Variants in CDC123 observed in about 807,000 individuals in gnomAD.
CDC123 encodes the protein cell division cycle 123.
CDC123 carries 37 observed loss-of-function variants against 54.4 expected under a neutral mutation model. The observed-to-expected ratio is 0.68, with a 90% CI of 0.52 to 0.89. The LOEUF (loss-of-function observed/expected upper bound fraction) is 0.89, where lower values mean the gene tolerates loss of function less well. CDC123 is among the 40% of genes least tolerant of loss of function. The pLI is 0.00. For missense variants in CDC123, 361 were observed against 412.1 expected (o/e 0.88, Z 1.07); for synonymous variants, 144 against 136.8 (o/e 1.05, Z -0.37).
At chr10:12,203,561 G>T (rs1338652642) in intron 2 of CDC123, among the ~76,000 whole-genome samples, 1 of 152,090 alleles carries the variant, frequency 6.6e-6, no homozygotes, top group East Asian at 1.9e-4. Context: ...CTCGTTGCCT[G>T]CTGTGGGTGT....
Position 12,196,225 on chromosome 10 carries a change from A to G in CDC123, c.-21A>G. On this transcript the variant is annotated 5_prime_UTR_variant, in exon 1 of 13. Transcript: ENST00000281141. ...GGGTGCAGGCAGGAGAGGGAAAGGC[A>G]GCAGCGGCGGCAGCTGGAGGATGAA... 6.2e-7 allele frequency: 1 copy of G among 1,613,896 alleles called. No individual in the cohort carries two copies.
chr10:12,196,439 C>A, intron 1 of CDC123, 120 bp downstream of exon 1: 1 of 1,311,672 alleles, frequency 7.6e-7, no homozygotes. Context: ...GGGAGTGTGT[C>A]GAGAGGGAAG....
At chr10:12,240,612 G>A (rs998753597) in intron 10 of CDC123, among the ~76,000 whole-genome samples, 3 of 152,182 alleles carry the variant, frequency 2.0e-5, no homozygotes, top group Non-Finnish European at 2.9e-5. Context: ...TGTGGCTCAC[G>A]CCTGTATTTT....
chr10:12,239,335 C>T (rs1244058630), intron 10 of CDC123, among the ~76,000 whole-genome samples: 2 of 152,164 alleles, frequency 1.3e-5, no homozygotes, highest in East Asian at 3.9e-4. Flanking sequence ...TCCTATGTCT[C>T]ATTTGTGTCA....
chr10:12,250,423 T>C lies in CDC123; in HGVS notation c.*86T>C, dbSNP rs528600500. 1 of 1,033,458 alleles carries C rather than the reference T, an allele frequency of 9.7e-7. No homozygotes were observed. Among genetic ancestry groups the C allele is most frequent in the Admixed American group, 1.7e-5 (1 of 58,430 alleles). 64.0% of individuals were successfully genotyped at this position (1,033,458 alleles called of 1,614,324 possible). ...AGCCGCAACTTCCTGCCGACCCTGA[T>C]GCGGGTGGGCCGAGCAGTGTGGACA... On this transcript the variant is annotated 3_prime_UTR_variant, in exon 13 of 13. Coordinates refer to ENST00000281141, the MANE Select transcript of CDC123 (RefSeq NM_006023.3).
intron 9 of CDC123, 106 bp downstream of exon 9, chr10:12,237,372 T>C: frequency 1.2e-6 from 1 of 854,254 alleles, no homozygotes; most frequent in East Asian, 3.2e-5. Flanking sequence ...AAATACTGTA[T>C]TGTAAGCATT....
At chr10:12,202,679 G>T (rs1032882412) in intron 2 of CDC123, among the ~76,000 whole-genome samples, 2 of 152,236 alleles carry the variant, frequency 1.3e-5, no homozygotes, top group Non-Finnish European at 2.9e-5. Context: ...GCAGCTCGCA[G>T]AACTGAGGGA....
intron 1 of CDC123, among the ~76,000 whole-genome samples, chr10:12,197,304 T>G (rs1416614961): frequency 6.6e-6 from 1 of 152,210 alleles, no homozygotes; most frequent in Non-Finnish European, 1.5e-5. Context: ...AAAGTTTCGC[T>G]TGAAATTGTT....
At chr10:12,238,875 A>G (rs1836015538) in intron 10 of CDC123, among the ~76,000 whole-genome samples, 1 of 151,992 alleles carries the variant, frequency 6.6e-6, no homozygotes, top group Non-Finnish European at 1.5e-5. Context: ...CAAAAAAATG[A>G]GCCAGGCATG....
rs949117625 is a variant in CDC123, at chr10:12,196,214, G to A, written c.-32G>A. ...GAGTTCCGGGAGGGTGCAGGCAGGA[G>A]AGGGAAAGGCAGCAGCGGCGGCAGC... On this transcript the variant is annotated 5_prime_UTR_variant, in exon 1 of 13. Transcript: ENST00000281141. 2 of 1,613,818 alleles carry A rather than the reference G, an allele frequency of 1.2e-6. No individual in the cohort carries two copies. The highest frequency in any genetic ancestry group is 1.7e-6 in the Non-Finnish European group (2 of 1,179,954).
At position 12,231,014 on chromosome 10, in the gene CDC123, T is replaced by A. The variant is rs1330044238; in HGVS notation, c.489+18T>A. ...AATATGAGGTAAGAAGCTTATTTTC[T>A]TTGATAATTGTAGATGAAGATGTGT... On this transcript the variant is annotated intron_variant, in intron 7 of 12. Transcript: ENST00000281141. 8 of 1,586,738 alleles carry A rather than the reference T, an allele frequency of 5.0e-6. No individual in the cohort carries two copies. Among genetic ancestry groups the A allele is most frequent in the Non-Finnish European group, 6.9e-6 (8 of 1,160,604 alleles).
chr10:12,209,885 A>T, intron 2 of CDC123, 82 bp from the exon 3 acceptor site: 1 of 1,337,120 alleles, frequency 7.5e-7, no homozygotes, highest in Non-Finnish European at 1.1e-6. Context: ...CTATTTAAAA[A>T]CATATACTCA....
Position 12,215,743 on chromosome 10 carries a change from C to T in CDC123, c.241C>T (p.Pro81Ser). 2 of 1,604,730 alleles carry T rather than the reference C, an allele frequency of 1.2e-6. No homozygotes were observed. Among genetic ancestry groups the T allele is most frequent in the South Asian group, 1.1e-5 (1 of 89,924 alleles). Residue 81 changes from proline (P) to serine (S), a missense_variant, in exon 5 of 13, where the codon CCA (proline) becomes TCA (serine). Coordinates refer to ENST00000281141, the MANE Select transcript of CDC123 (RefSeq NM_006023.3). ...ATGATTTCTTCTCTCTCTGTAGGCA[C>T]CAGAATTTCCTGAGTTTGCCACTAA... ...DDENTATLTA[P>S]EFPEFATKVQ...
rs1019609000 is a variant in CDC123, at chr10:12,235,119, T to A, written c.561T>A (p.Leu187=). The A allele has an allele frequency of 2.2e-5, 36 of 1,611,722 alleles. No homozygotes were observed. The highest frequency in any genetic ancestry group is 2.8e-5 in the Non-Finnish European group (33 of 1,178,354). Residue 187 remains leucine (L), a synonymous_variant, in exon 8 of 13, where the codon CTT becomes CTA. Transcript: ENST00000281141. ...EFRCFVKENK[L]IGISQRDYTQ... ...GATGTTTTGTCAAGGAAAACAAGCTTATTGGTGAGTTTTTGTTTGTTTGTT... is the reference window on the plus strand; with the variant it reads ...GATGTTTTGTCAAGGAAAACAAGCTAATTGGTGAGTTTTTGTTTGTTTGTT...
chr10:12,216,536 A>G (rs1835667688), intron 5 of CDC123, among the ~76,000 whole-genome samples: 1 of 152,196 alleles, frequency 6.6e-6, no homozygotes, highest in Non-Finnish European at 1.5e-5. Context: ...AAAATTTCAA[A>G]TAGATTTGGA....
intron 6 of CDC123, among the ~76,000 whole-genome samples, chr10:12,224,008 C>T (rs571143590): frequency 1.3e-5 from 2 of 152,206 alleles, no homozygotes; most frequent in South Asian, 2.1e-4. Flanking sequence ...TTTTATCCCT[C>T]GCCAACCCTC....
chr10:12,225,722 CTCT>C (rs1264975903), intron 6 of CDC123, among the ~76,000 whole-genome samples: 10 of 100,758 alleles, frequency 9.9e-5, no homozygotes, highest in Non-Finnish European at 1.9e-4. Flanking sequence ...ATTGACTTTT[CTCT>C]TTTTTTTTTC....
intron 6 of CDC123, among the ~76,000 whole-genome samples, chr10:12,229,789 C>T (rs536038475): frequency 3.3e-5 from 5 of 152,284 alleles, no homozygotes; most frequent in South Asian, 2.1e-4. Flanking sequence ...GAGGATTTTT[C>T]GAGGAGGAAG....
intron 6 of CDC123, among the ~76,000 whole-genome samples, chr10:12,228,486 A>ACCTCCGCC (rs918879909): frequency 1.3e-5 from 2 of 150,922 alleles, no homozygotes; most frequent in African/African-American, 4.9e-5. Flanking sequence ...GCTCACTGCA[A>ACCTCCGCC]CCTCCGCCTC....
Sources: gnomAD v4.1 joint callset for allele counts (sites outside exome capture counted in the v4.1 genomes callset) on GRCh38, gnomAD v4.1.1 for gene constraint, MANE v1.5 for transcripts, NCBI Gene and HGNC (gene_info 2026-07-23, HGNC 2026-07-21) for gene names.